The following KLHL1 variants were observed in gnomAD, a reference collection of about 807,000 sequenced individuals.
KLHL1 encodes the protein kelch-like protein 1.
Under a neutral mutation model 77.7 loss-of-function variants are expected in KLHL1, and 47 were observed. That is an observed-to-expected ratio of 0.60 (90% CI 0.48 to 0.77). The LOEUF (loss-of-function observed/expected upper bound fraction) is 0.77. Among genes scored for constraint, KLHL1 ranks in the 30% least tolerant of loss-of-function variants. The probability of loss-of-function intolerance (pLI) is 0.00; values close to 1 mark genes in which losing one functional copy is unlikely to be tolerated. For synonymous variants in KLHL1, 360 were observed against 325.2 expected (o/e 1.11, Z -1.15); for missense variants, 925 against 910.8 (o/e 1.02, Z -0.20).
chr13:69,809,876 A>G (rs1355346236), intron 6 of KLHL1, among the ~76,000 whole-genome samples: 2 of 146,418 alleles, frequency 1.4e-5, no homozygotes, highest in East Asian at 2.0e-4. Flanking sequence ...ATGCAAATGG[A>G]AAAAAAAAAA....
At chr13:69,994,805 A>T (rs987928962) in intron 1 of KLHL1, among the ~76,000 whole-genome samples, 1 of 152,110 alleles carries the variant, frequency 6.6e-6, no homozygotes, top group African/African-American at 2.4e-5. Context: ...AATACTGTAG[A>T]GGAAAAATTT....
At chr13:69,855,337 TAGATAGATAGAC>T (rs1267849034) in intron 5 of KLHL1, among the ~76,000 whole-genome samples, 4,363 of 72,352 alleles carry the variant, frequency 0.06, 119 homozygotes, top group African/African-American at 0.13. Context: ...GATAGATAGA[TAGATAGATAGAC>T]AGACAGATAG....
chr13:69,709,750 A>C (rs1291281444), intron 9 of KLHL1, among the ~76,000 whole-genome samples: 1 of 152,030 alleles, frequency 6.6e-6, no homozygotes, highest in Non-Finnish European at 1.5e-5. Flanking sequence ...TAGGGAAAAA[A>C]GGAAGGACAG....
At chr13:69,794,887 A>T (rs1877035760) in intron 7 of KLHL1, among the ~76,000 whole-genome samples, 1 of 152,196 alleles carries the variant, frequency 6.6e-6, no homozygotes, top group Non-Finnish European at 1.5e-5. Flanking sequence ...TATAAAATAA[A>T]ACTTAATAAT....
At chr13:69,912,731 C>G (rs955999910) in intron 4 of KLHL1, among the ~76,000 whole-genome samples, 8 of 152,126 alleles carry the variant, frequency 5.3e-5, no homozygotes, top group Admixed American at 1.3e-4. Flanking sequence ...CCCCTTATCT[C>G]AACTCTGCTG....
intron 1 of KLHL1, among the ~76,000 whole-genome samples, chr13:70,008,220 A>G (rs539369804): frequency 6.6e-6 from 1 of 152,096 alleles, no homozygotes; most frequent in South Asian, 2.1e-4. Context: ...AATAGTATTT[A>G]TAGGTTTCTT....
chr13:69,861,229 TTCTGGTATCCAGATTATCTGCTGAAAAAG>T (rs964462306), intron 5 of KLHL1, among the ~76,000 whole-genome samples: 3 of 151,880 alleles, frequency 2.0e-5, no homozygotes, highest in Admixed American at 1.3e-4. Flanking sequence ...GCTTTTAGAC[TTCTGGTATCCAGATTATCTGCTGAAAAAG>T]TCTGTTTATT....
rs1242685647 is a variant in KLHL1 at position 69,701,022 on chromosome 13, C to T, written c.*680G>A. 6.6e-6 allele frequency: 1 copy of T among 152,196 alleles called. No individual in the cohort carries two copies. Among genetic ancestry groups the T allele is most frequent in the Admixed American group, 6.6e-5 (1 of 15,200 alleles). The allele number at this position is 152,196 out of a possible 1,614,324, so 9.4% of individuals were successfully genotyped here. ...AATGGTAAGCCTAGTGAAAACAATC[C>T]TTTGTGTTTGCCAGTTTCAGATTGC... On this transcript the variant is annotated 3_prime_UTR_variant, in exon 11 of 11. Transcript: ENST00000377844.
chr13:69,736,679 G>GATATAT (rs139208405), intron 8 of KLHL1, among the ~76,000 whole-genome samples: 7,117 of 146,092 alleles, frequency 0.049, 216 homozygotes, highest in Middle Eastern at 0.084. Context: ...GAGATTGTGA[G>GATATAT]ATATATATAT....
At chr13:70,091,212 C>T (rs548429154) in intron 1 of KLHL1, among the ~76,000 whole-genome samples, 8 of 152,056 alleles carry the variant, frequency 5.3e-5, no homozygotes, top group Admixed American at 1.3e-4. Context: ...GGAGCTGGTT[C>T]GTCTTCACTC....
Position 69,719,455 on chromosome 13 carries a change from G to A in KLHL1, c.1929C>T (p.Ala643=). 6 of 1,613,490 alleles carry A rather than the reference G, an allele frequency of 3.7e-6. No homozygotes were observed. The highest frequency in any genetic ancestry group is 5.1e-6 in the Non-Finnish European group (6 of 1,179,742). Residue 643 remains alanine (A), a synonymous_variant, in exon 9 of 11, where the codon GCC becomes GCT. Coordinates refer to ENST00000377844, the MANE Select transcript of KLHL1 (RefSeq NM_020866.3). ...CTGCATAAAGAAAACCGTCACATGT[G>A]GCCACTCCGACACCCCCTCTCCTCT... ...MCKRRGGVGV[A]TCDGFLYAVG...
In KLHL1 at chr13:69,945,176, G is replaced by C. The variant is rs78745799; in HGVS notation, c.818-4940C>G. Among the ~76,000 whole-genome samples the C allele has an allele frequency of 1.3e-3, 194 of 151,190 alleles. 2 individuals are homozygous for C. The Middle Eastern group carries it at 0.02, about 16-fold the overall frequency. On this transcript the variant is annotated intron_variant, in intron 3 of 10. Coordinates refer to ENST00000377844, the MANE Select transcript of KLHL1 (RefSeq NM_020866.3). ...AATTTTTTGTATGTTTAGAACAGAC[G>C]GGGTTTCACCATGTTGGCCAGGCTG... is the stretch of plus-strand genomic sequence containing the variant.
intron 5 of KLHL1, among the ~76,000 whole-genome samples, chr13:69,877,302 A>C (rs1481527609): frequency 1.3e-5 from 2 of 152,186 alleles, no homozygotes; most frequent in African/African-American, 2.4e-5. Context: ...TACATACTAC[A>C]AAGAAATATC....
intron 6 of KLHL1, among the ~76,000 whole-genome samples, chr13:69,797,910 C>T (rs1330777361): frequency 6.6e-6 from 1 of 151,454 alleles, no homozygotes; most frequent in Non-Finnish European, 1.5e-5. Flanking sequence ...ATGTTAGAAT[C>T]TCTAAATAAT....
chr13:69,923,587 G>A (rs779415701), intron 4 of KLHL1, among the ~76,000 whole-genome samples: 72 of 152,214 alleles, frequency 4.7e-4, no homozygotes, highest in Non-Finnish European at 1.0e-3. Flanking sequence ...TTATCTTTGA[G>A]GTGATTTTAG....
chr13:69,761,535 A>C (rs936812533), intron 7 of KLHL1, among the ~76,000 whole-genome samples: 8 of 152,192 alleles, frequency 5.3e-5, no homozygotes, highest in Admixed American at 5.2e-4. Context: ...TTAACAGTAT[A>C]TATAAGGTTG....
At chr13:69,971,415 C>T (rs766677720) in intron 2 of KLHL1, among the ~76,000 whole-genome samples, 2 of 151,948 alleles carry the variant, frequency 1.3e-5, no homozygotes, top group Non-Finnish European at 2.9e-5. Flanking sequence ...CTACTGGCTC[C>T]TGAGGTCTAT....
At chr13:69,886,213 G>T (rs1337404349) in intron 4 of KLHL1, among the ~76,000 whole-genome samples, 1 of 152,024 alleles carries the variant, frequency 6.6e-6, no homozygotes, top group Admixed American at 6.6e-5. Context: ...TATAAAGAAA[G>T]ATTTTGGCAA....
chr13:70,038,160 A>G (rs945971304), intron 1 of KLHL1, among the ~76,000 whole-genome samples: 11 of 152,226 alleles, frequency 7.2e-5, no homozygotes, highest in Non-Finnish European at 1.6e-4. Flanking sequence ...ATATACAGTA[A>G]AGTGACCTTT....
Sources: allele counts gnomAD v4.1 joint callset (sites outside exome capture counted in the v4.1 genomes callset), GRCh38; gene constraint gnomAD v4.1.1; transcripts MANE v1.5; gene names NCBI Gene and HGNC (gene_info 2026-07-23, HGNC 2026-07-21).